Variants in NOS1AP observed in about 807,000 individuals in gnomAD.
NOS1AP encodes nitric oxide synthase 1 adaptor protein.
Under a neutral mutation model 56.2 loss-of-function variants are expected in NOS1AP, and 21 were observed. That is an observed-to-expected ratio of 0.37 (90% CI 0.26 to 0.54). The LOEUF is 0.54. Ranked by LOEUF, NOS1AP falls within the 20% of genes least tolerant of loss-of-function variation. The probability of loss-of-function intolerance (pLI) is 0.84; values close to 1 mark genes in which losing one functional copy is unlikely to be tolerated. For missense variants in NOS1AP, 522 were observed against 657.8 expected, an observed-to-expected ratio of 0.79 and a Z score of 2.26; for synonymous variants, 270 against 274.6, an observed-to-expected ratio of 0.98 and a Z score of 0.17.
At chr1:162,261,519 A>AGAG (rs1654230865) in intron 2 of NOS1AP, among the ~76,000 whole-genome samples, 1 of 32,930 alleles carries the variant, frequency 3.0e-5, no homozygotes, top group Non-Finnish European at 8.9e-5. Flanking sequence ...AGAGAGAGAG[A>AGAG]GAGAGAGAGA....
intron 2 of NOS1AP, among the ~76,000 whole-genome samples, chr1:162,250,886 ACC>A (rs1433217170): frequency 6.6e-6 from 1 of 152,042 alleles, no homozygotes; most frequent in Non-Finnish European, 1.5e-5. Flanking sequence ...CCAAAAGCTA[ACC>A]CTTCTGCCTC....
intron 4 of NOS1AP, among the ~76,000 whole-genome samples, chr1:162,331,246 TGTACTGAAA>T (rs1656757669): frequency 6.6e-6 from 1 of 152,144 alleles, no homozygotes; most frequent in Non-Finnish European, 1.5e-5. Flanking sequence ...ACATGTGAGA[TGTACTGAAA>T]TGCCTGCTAG....
At chr1:162,167,170 T>C (rs890050723) in intron 2 of NOS1AP, among the ~76,000 whole-genome samples, 1 of 152,208 alleles carries the variant, frequency 6.6e-6, no homozygotes, top group East Asian at 1.9e-4. Context: ...GACAAATTGC[T>C]TCTTCACAAC....
chr1:162,193,874 TTTTC>T lies in NOS1AP; in HGVS notation c.177+39410_177+39413del, dbSNP rs755514055. On this transcript the variant is annotated intron_variant, in intron 2 of 9. Transcript: ENST00000361897. ...CATCTCTAGATGGGTGTTTCTTTACTTTTCTTTCTTTCTTTTTAATTAAGTGGTT... is the reference window on the plus strand; with the variant it reads ...CATCTCTAGATGGGTGTTTCTTTACTTTTCTTTCTTTTTAATTAAGTGGTT... Among the ~76,000 whole-genome samples, 59 of 152,290 alleles carry T rather than the reference TTTTC, an allele frequency of 3.9e-4. No individual in the cohort carries two copies. In the Middle Eastern group the frequency reaches 0.017, roughly 44 times the overall value.
intron 2 of NOS1AP, among the ~76,000 whole-genome samples, chr1:162,158,850 G>A (rs1650080357): frequency 6.6e-6 from 1 of 152,212 alleles, no homozygotes; most frequent in Non-Finnish European, 1.5e-5. Context: ...AGGATCCAAA[G>A]GTCTGAGAAG....
chr1:162,139,769 C>G (rs1192564173), intron 1 of NOS1AP, among the ~76,000 whole-genome samples: 1 of 152,226 alleles, frequency 6.6e-6, no homozygotes, highest in East Asian at 1.9e-4. Flanking sequence ...ATTGGCATCT[C>G]TCAGAATGGG....
chr1:162,251,660 A>ATG (rs1182235850), intron 2 of NOS1AP, among the ~76,000 whole-genome samples: 11 of 149,398 alleles, frequency 7.4e-5, no homozygotes, highest in African/African-American at 2.0e-4. Context: ...ATATATATAT[A>ATG]TGTGTGTGTG....
chr1:162,189,204 A>G (rs1181174526), intron 2 of NOS1AP, among the ~76,000 whole-genome samples: 1 of 152,204 alleles, frequency 6.6e-6, no homozygotes, highest in Non-Finnish European at 1.5e-5. Flanking sequence ...AGTTTTTTAT[A>G]TGTTGAACAT....
In NOS1AP at chr1:162,070,094, A is replaced by C. The variant is rs954682598; in HGVS notation, c.-84A>C. On this transcript the variant is annotated 5_prime_UTR_variant, in exon 1 of 10. Coordinates refer to ENST00000361897, the MANE Select transcript of NOS1AP (RefSeq NM_014697.3). ...GGCCCCGCCACGCGTCGCCGCGCCC[A>C]GCTCCAGTCTCCCCTCCCCGGGGTC... 4.9e-5 allele frequency: 55 copies of C among 1,130,246 alleles called. No individual in the cohort carries two copies. In the African/African-American group the frequency reaches 7.9e-4, roughly 16 times the overall value. The allele number at this position is 1,130,246 out of a possible 1,614,324, so 70.0% of individuals were successfully genotyped here. A position where few individuals can be genotyped will look rare whatever the true frequency, so the allele number is the denominator to read the frequency against.
intron 2 of NOS1AP, among the ~76,000 whole-genome samples, chr1:162,272,395 G>T (rs1197296587): frequency 6.6e-6 from 1 of 152,178 alleles, no homozygotes; most frequent in Non-Finnish European, 1.5e-5. Context: ...TGAAGCTGGG[G>T]ATGCTGCCAA....
Position 162,137,192 on chromosome 1 carries a change from C to A in NOS1AP, c.106-17213C>A, listed in dbSNP as rs192949275. On this transcript the variant is annotated intron_variant, in intron 1 of 9. Coordinates refer to ENST00000361897, the MANE Select transcript of NOS1AP (RefSeq NM_014697.3). ...AAGCACGATTTGCATTTGCACTCAGCCTCCTGCAAAAATGCCATTTCTCAA... is the reference window on the plus strand; with the variant it reads ...AAGCACGATTTGCATTTGCACTCAGACTCCTGCAAAAATGCCATTTCTCAA... Among the ~76,000 whole-genome samples, 3 of 152,284 alleles carry A rather than the reference C, an allele frequency of 2.0e-5. No individual in the cohort carries two copies. The East Asian group carries it at 5.8e-4, about 29-fold the overall frequency.
chr1:162,242,634 C>G (rs532971901), intron 2 of NOS1AP, among the ~76,000 whole-genome samples: 4 of 152,326 alleles, frequency 2.6e-5, no homozygotes, highest in African/African-American at 9.6e-5. Context: ...CCAGCCAAGT[C>G]TCTTCCACAT....
At chr1:162,302,849 C>T (rs910199724) in intron 4 of NOS1AP, among the ~76,000 whole-genome samples, 8 of 152,180 alleles carry the variant, frequency 5.3e-5, no homozygotes, top group South Asian at 2.1e-4. Context: ...CAAGCGACCA[C>T]GATCTCCTTT....
rs1453508106 is a variant in NOS1AP, at chr1:162,365,689, A to G, written c.1105+120A>G. 3.2e-6 allele frequency: 4 copies of G among 1,240,978 alleles called. No individual in the cohort carries two copies. In the African/African-American group the frequency reaches 5.9e-5, roughly 18 times the overall value. 76.9% of individuals were successfully genotyped at this position (1,240,978 alleles called of 1,614,324 possible). A position where few individuals can be genotyped will look rare whatever the true frequency, so the allele number is the denominator to read the frequency against. On this transcript the variant is annotated intron_variant, in intron 9 of 9. Transcript: ENST00000361897. The stretch of plus-strand genomic sequence containing the variant: ...CTGACCTACCCCTATATTCCAGCAG[A>G]AAACATAGGCAGCTTTGTTTTCCCA...
chr1:162,337,883 A>G (rs1016951064), intron 5 of NOS1AP, among the ~76,000 whole-genome samples: 2 of 152,200 alleles, frequency 1.3e-5, no homozygotes, highest in Non-Finnish European at 2.9e-5. Flanking sequence ...AACCTAACCC[A>G]TCTACCATTT....
intron 2 of NOS1AP, among the ~76,000 whole-genome samples, chr1:162,270,197 A>G (rs1240291851): frequency 6.6e-6 from 1 of 152,204 alleles, no homozygotes; most frequent in East Asian, 1.9e-4. Context: ...TTCTCACCCC[A>G]TGGGAGACAA....
chr1:162,309,678 G>A (rs1031568962), intron 4 of NOS1AP, among the ~76,000 whole-genome samples: 1 of 152,132 alleles, frequency 6.6e-6, no homozygotes, highest in African/African-American at 2.4e-5. Flanking sequence ...TTTCAGTAGG[G>A]AGTTGGGGAC....
At chr1:162,234,386 G>A (rs1409298511) in intron 2 of NOS1AP, among the ~76,000 whole-genome samples, 1 of 152,168 alleles carries the variant, frequency 6.6e-6, no homozygotes, top group African/African-American at 2.4e-5. Context: ...GTGGGAAAAT[G>A]AGGAGTTTTA....
chr1:162,359,607 A>T (rs1038766684), intron 8 of NOS1AP, among the ~76,000 whole-genome samples: 12 of 152,272 alleles, frequency 7.9e-5, no homozygotes, highest in African/African-American at 2.9e-4. Flanking sequence ...TAGTGTCTAT[A>T]TCCTTGGGTA....
Sources: allele counts gnomAD v4.1 joint callset (sites outside exome capture counted in the v4.1 genomes callset), GRCh38; gene constraint gnomAD v4.1.1; transcripts MANE v1.5; gene names NCBI Gene and HGNC (gene_info 2026-07-23, HGNC 2026-07-21).